The following IL23R variants were observed in gnomAD, a reference collection of about 807,000 sequenced individuals.
IL23R encodes interleukin 23 receptor.
A neutral mutation model predicts 56.9 loss-of-function variants in IL23R; 34 were observed. That is an observed-to-expected ratio of 0.60 (90% CI 0.45 to 0.80). The LOEUF (loss-of-function observed/expected upper bound fraction) is 0.80, where lower values mean the gene tolerates loss of function less well. Ranked by LOEUF, IL23R falls within the 30% of genes least tolerant of loss-of-function variation. IL23R has a pLI of 0.00. For missense variants in IL23R, 635 were observed against 730.0 expected (o/e 0.87, Z 1.50); for synonymous variants, 230 against 249.2 (o/e 0.92, Z 0.73).
intron 7 of IL23R, among the ~76,000 whole-genome samples, chr1:67,222,821 G>A (rs1217810505): frequency 1.3e-5 from 2 of 151,876 alleles, no homozygotes; most frequent in South Asian, 2.1e-4. Flanking sequence ...GGTAGAGTAT[G>A]AGACTTTTAA....
chr1:67,221,148 C>T (rs1650211291), intron 7 of IL23R, among the ~76,000 whole-genome samples: 1 of 152,126 alleles, frequency 6.6e-6, no homozygotes, highest in Admixed American at 6.5e-5. Context: ...TGGCAAAATC[C>T]CATCTCTACT....
At chr1:67,216,758 T>C (rs1486925192) in intron 6 of IL23R, among the ~76,000 whole-genome samples, 2 of 152,236 alleles carry the variant, frequency 1.3e-5, no homozygotes, top group East Asian at 3.8e-4. Flanking sequence ...AAGTATTTAT[T>C]CTTTTCTTGA....
upstream of IL23R, chr1:67,166,252 T>C (rs1385833757): frequency 6.6e-6 from 1 of 152,350 alleles, no homozygotes; most frequent in Non-Finnish European, 1.5e-5. Flanking sequence ...ATGAGACCAT[T>C]TTAAATTAAG....
intron 6 of IL23R, among the ~76,000 whole-genome samples, chr1:67,218,587 GTATATTCCAAAATTAAGAA>G (rs71062404): frequency 0.017 from 2,510 of 151,378 alleles, 41 homozygotes; most frequent in Non-Finnish European, 0.027. Context: ...CATTAAAAGA[GTATATTCCAAAATTAAGAA>G]TATATTCCAA....
At chr1:67,229,025 C>T (rs1650924511) in intron 7 of IL23R, among the ~76,000 whole-genome samples, 1 of 152,220 alleles carries the variant, frequency 6.6e-6, no homozygotes, top group African/African-American at 2.4e-5. Flanking sequence ...ATGGGGATTT[C>T]TCCCCCTCAG....
At chr1:67,217,728 A>G (rs557550194) in intron 6 of IL23R, among the ~76,000 whole-genome samples, 3 of 149,840 alleles carry the variant, frequency 2.0e-5, no homozygotes, top group Non-Finnish European at 4.5e-5. Context: ...AATATCATTC[A>G]GAGTTTCCAT....
At chr1:67,228,081 CT>C (rs1261818235) in intron 7 of IL23R, among the ~76,000 whole-genome samples, 8 of 57,214 alleles carry the variant, frequency 1.4e-4, no homozygotes, top group South Asian at 7.9e-4. Context: ...CTCTTTCTTT[CT>C]TTTCTTTCTT....
chr1:67,204,188 C>G (rs575327098), intron 5 of IL23R, among the ~76,000 whole-genome samples: 1 of 152,252 alleles, frequency 6.6e-6, no homozygotes, highest in Non-Finnish European at 1.5e-5. Context: ...CTCAGCCTCC[C>G]GAGTAGCTGG....
intron 2 of IL23R, among the ~76,000 whole-genome samples, chr1:67,168,856 A>G (rs1340052232): frequency 6.6e-6 from 1 of 152,302 alleles, no homozygotes; most frequent in East Asian, 1.9e-4. Flanking sequence ...ATGGTGCTGA[A>G]CATCAATAAA....
intron 6 of IL23R, among the ~76,000 whole-genome samples, chr1:67,215,698 G>A (rs1042259620): frequency 6.6e-6 from 1 of 152,198 alleles, no homozygotes; most frequent in African/African-American, 2.4e-5. Flanking sequence ...GAACCAGTTC[G>A]TGTGAGGAGA....
intron 7 of IL23R, among the ~76,000 whole-genome samples, chr1:67,228,151 TTTCCTTCCTTCC>T (rs71062406): frequency 0.031 from 1,819 of 58,096 alleles, 95 homozygotes; most frequent in Middle Eastern, 0.053. Context: ...TGTCTTTCTT[TTTCCTTCCTTCC>T]TTCCTTCCTT....
intron 4 of IL23R, among the ~76,000 whole-genome samples, chr1:67,196,692 A>G (rs143441615): frequency 1.0e-3 from 156 of 152,370 alleles, no homozygotes; most frequent in African/African-American, 3.6e-3. Flanking sequence ...GTCATAAACC[A>G]AACAGGTAAC....
intron 5 of IL23R, among the ~76,000 whole-genome samples, chr1:67,203,242 C>G (rs1295419910): frequency 6.6e-6 from 1 of 152,174 alleles, no homozygotes; most frequent in African/African-American, 2.4e-5. Context: ...ATACATGATA[C>G]TACTGTCCCC....
At position 67,228,061 on chromosome 1, in the gene IL23R, CTCTG is replaced by C. The variant is rs1197754628; in HGVS notation, c.955+8335_955+8338del. ...TTTCTTTCTCTTTCTTTCTTTCTTT[CTCTG>C]TCTCTCTCTTTCTTTCTTTTCTTTC... On this transcript the variant is annotated intron_variant, in intron 7 of 10. Transcript: ENST00000347310. Among the ~76,000 whole-genome samples the C allele has an allele frequency of 3.0e-4, 31 of 104,192 alleles. 5 individuals carry two copies. The highest frequency in any genetic ancestry group is 9.6e-4 in the East Asian group (3 of 3,110). 68.4% of individuals were successfully genotyped at this position (104,192 alleles called of 152,430 possible).
intron 7 of IL23R, among the ~76,000 whole-genome samples, chr1:67,231,219 G>C (rs377436593): frequency 5.3e-4 from 80 of 152,288 alleles, no homozygotes; most frequent in Middle Eastern, 3.4e-3. Context: ...AGAAACCTTA[G>C]AGATGTCTAT....
rs557919248 is a variant in IL23R, at chr1:67,206,884, CTTTTTTTTT to C, written c.653-13_653-5del. On this transcript the variant is annotated splice_polypyrimidine_tract_variant and intron_variant, in intron 5 of 10. Transcript: ENST00000347310. ...CTAGGCAAGTTTTAAACAGCCAGGTCTTTTTTTTTTTTTTTTTTTTTCTAGTGATACCTT... is the reference window on the plus strand; with the variant it reads ...CTAGGCAAGTTTTAAACAGCCAGGTCTTTTTTTTTTTTCTAGTGATACCTT... 4.5e-5 allele frequency: 54 copies of C among 1,190,688 alleles called. No homozygotes were observed. The highest frequency in any genetic ancestry group is 5.4e-5 in the Non-Finnish European group (50 of 927,124). 73.8% of individuals were successfully genotyped at this position (1,190,688 alleles called of 1,614,324 possible). A position where few individuals can be genotyped will look rare whatever the true frequency, so the allele number is the denominator to read the frequency against.
intron 4 of IL23R, among the ~76,000 whole-genome samples, chr1:67,195,222 AG>A (rs1324232831): frequency 5.9e-5 from 9 of 152,044 alleles, no homozygotes; most frequent in African/African-American, 1.9e-4. Context: ...TAGTAGAGAC[AG>A]GGTTTCACCA....
rs751239558 is a variant in IL23R at position 67,207,140 on chromosome 1, C to A, written c.798+85C>A. The stretch of plus-strand genomic sequence containing the variant: ...AGTGGCTACAGTGGACTTATTATGT[C>A]TATTTTACATGTTTTTAATCTGATT... On this transcript the variant is annotated intron_variant, in intron 6 of 10. Transcript: ENST00000347310. 14 of 1,325,468 alleles carry A rather than the reference C, an allele frequency of 1.1e-5. No homozygotes were observed. The East Asian group carries it at 2.6e-4, about 24-fold the overall frequency. 82.1% of individuals were successfully genotyped at this position (1,325,468 alleles called of 1,614,324 possible).
chr1:67,186,489 A>G (rs2102594178), intron 4 of IL23R, among the ~76,000 whole-genome samples: 1 of 151,768 alleles, frequency 6.6e-6, no homozygotes, highest in East Asian at 1.9e-4. Flanking sequence ...GTCACTTCCT[A>G]TTTCCCCTCA....
Sources: allele counts gnomAD v4.1 joint callset (sites outside exome capture counted in the v4.1 genomes callset), GRCh38; gene constraint gnomAD v4.1.1; transcripts MANE v1.5; gene names NCBI Gene and HGNC (gene_info 2026-07-23, HGNC 2026-07-21).